The following FOXJ3 variants were observed in gnomAD, a reference collection of about 807,000 sequenced individuals.
FOXJ3 encodes forkhead box J3, also known as forkhead box protein J3.
In FOXJ3, 22 loss-of-function variants were observed where a neutral mutation model predicts 76.1. The observed-to-expected ratio is 0.29, with a 90% confidence interval of 0.21 to 0.41. The LOEUF (loss-of-function observed/expected upper bound fraction) is 0.41. Among genes scored for constraint, FOXJ3 ranks in the 10% least tolerant of loss-of-function variants. The probability of loss-of-function intolerance (pLI) is 1.00; values close to 1 mark genes in which losing one functional copy is unlikely to be tolerated. For missense variants in FOXJ3, 613 were observed against 762.1 expected (o/e 0.80, Z 2.30); for synonymous variants, 269 against 261.2 (o/e 1.03, Z -0.29).
At chr1:42,335,335 A>G (rs961789968), upstream of FOXJ3, 3 of 152,194 alleles carry the variant, frequency 2.0e-5, no homozygotes, top group South Asian at 6.2e-4. Context: ...CTGCGCGGTC[A>G]CGGTCGCTTC....
At chr1:42,217,413 C>T (rs577607799) in intron 5 of FOXJ3, among the ~76,000 whole-genome samples, 1 of 152,132 alleles carries the variant, frequency 6.6e-6, no homozygotes, top group African/African-American at 2.4e-5. Context: ...CCTGTAGTCC[C>T]AGCTACTCGG....
intron 4 of FOXJ3, among the ~76,000 whole-genome samples, chr1:42,238,975 T>C (rs753882452): frequency 6.6e-6 from 1 of 152,018 alleles, no homozygotes; most frequent in Non-Finnish European, 1.5e-5. Flanking sequence ...CTTATTTCTC[T>C]TGGTAATGTT....
intron 4 of FOXJ3, among the ~76,000 whole-genome samples, chr1:42,238,232 A>G (rs1375009765): frequency 1.3e-5 from 2 of 151,976 alleles, no homozygotes; most frequent in Non-Finnish European, 2.9e-5. Flanking sequence ...ATGGGATTTC[A>G]CCACATTGGC....
intron 4 of FOXJ3, among the ~76,000 whole-genome samples, chr1:42,257,437 T>G (rs115798440): frequency 0.024 from 3,673 of 152,148 alleles, 64 homozygotes; most frequent in Non-Finnish European, 0.038. Context: ...CAGAAATGGC[T>G]GTGCACAGCG....
intron 1 of FOXJ3, among the ~76,000 whole-genome samples, chr1:42,333,478 T>C (rs909529733): frequency 6.6e-6 from 1 of 152,098 alleles, no homozygotes; most frequent in Non-Finnish European, 1.5e-5. Context: ...ACCAAGAAGA[T>C]TCACCTCAAT....
At chr1:42,207,113 T>A (rs562817548) in intron 5 of FOXJ3, among the ~76,000 whole-genome samples, 7 of 152,216 alleles carry the variant, frequency 4.6e-5, no homozygotes, top group Admixed American at 3.3e-4. Flanking sequence ...AGGTGTTGAG[T>A]CATCATGCCC....
chr1:42,265,764 T>G (rs1052923557), intron 3 of FOXJ3, among the ~76,000 whole-genome samples: 1 of 152,128 alleles, frequency 6.6e-6, no homozygotes, highest in Admixed American at 6.5e-5. Flanking sequence ...TAGAACCCTA[T>G]TAGGTTCTCA....
intron 4 of FOXJ3, among the ~76,000 whole-genome samples, chr1:42,264,019 G>C (rs910060790): frequency 7.4e-6 from 1 of 135,370 alleles, no homozygotes; most frequent in African/African-American, 2.8e-5. Context: ...CCCAGCCATT[G>C]AGAGTCCAAT....
At chr1:42,275,289 A>T (rs1652176069) in intron 3 of FOXJ3, among the ~76,000 whole-genome samples, 1 of 152,200 alleles carries the variant, frequency 6.6e-6, no homozygotes. Context: ...ACTAAAGAGT[A>T]ACTACCATCT....
At chr1:42,212,439 GTAGAAAGTTTTAACAACAGAC>G (rs1284636004) in intron 5 of FOXJ3, among the ~76,000 whole-genome samples, 1 of 152,042 alleles carries the variant, frequency 6.6e-6, no homozygotes, top group Admixed American at 6.6e-5. Flanking sequence ...ACAAAATGTG[GTAGAAAGTTTTAACAACAGAC>G]TAGACCAGGT....
At chr1:42,299,397 A>T (rs1653990515) in intron 2 of FOXJ3, among the ~76,000 whole-genome samples, 1 of 151,090 alleles carries the variant, frequency 6.6e-6, no homozygotes. Flanking sequence ...ATTGGTTTGA[A>T]GTTTATCTGA....
At position 42,311,650 on chromosome 1, in the gene FOXJ3, A is replaced by AAAGTAGTAGTAGTAGTAGTAGTAGT. The variant is rs1553169326; in HGVS notation, c.-17-541_-17-540insACTACTACTACTACTACTACTACTT. 6.0e-5 allele frequency among the ~76,000 whole-genome samples: 9 copies of AAAGTAGTAGTAGTAGTAGTAGTAGT among 149,508 alleles called. No individual in the cohort carries two copies. In the East Asian group the frequency reaches 1.2e-3, roughly 20 times the overall value. On this transcript the variant is annotated intron_variant, in intron 1 of 12. Coordinates refer to ENST00000361346, the MANE Select transcript of FOXJ3 (RefSeq NM_014947.5). ...AAACAGTTCCATTGCTTTAAAAAAAAAGTAGTAGTAGTAGTAGTAGTAGTA... is the reference window on the plus strand; with the variant it reads ...AAACAGTTCCATTGCTTTAAAAAAAAAAGTAGTAGTAGTAGTAGTAGTAGTAGTAGTAGTAGTAGTAGTAGTAGTA...
At chr1:42,319,018 C>T (rs112250079) in intron 1 of FOXJ3, among the ~76,000 whole-genome samples, 3,032 of 152,180 alleles carry the variant, frequency 0.02, 92 homozygotes, top group African/African-American at 0.069. Context: ...ATGGCTTGAG[C>T]CCAGGAATTC....
At chr1:42,234,279 T>A (rs928645360) in intron 4 of FOXJ3, among the ~76,000 whole-genome samples, 4 of 152,198 alleles carry the variant, frequency 2.6e-5, no homozygotes, top group African/African-American at 9.7e-5. Flanking sequence ...TCTGCATTGG[T>A]TATTCTAGTT....
intron 5 of FOXJ3, among the ~76,000 whole-genome samples, chr1:42,207,947 G>GAA (rs778546447): frequency 6.6e-6 from 1 of 152,200 alleles, no homozygotes; most frequent in East Asian, 1.9e-4. Context: ...GATTACTTTA[G>GAA]AAAGGTACAA....
rs973096220 is a variant in FOXJ3 at position 42,335,215 on chromosome 1, G to A, written c.-174C>T. ...GGCAGCAAGAGCAGCCAACATCCGGGGCCGCGCACCCGGAACTACTTCCCG... is the reference window on the plus strand; with the variant it reads ...GGCAGCAAGAGCAGCCAACATCCGGAGCCGCGCACCCGGAACTACTTCCCG... On this transcript the variant is annotated 5_prime_UTR_variant, in exon 1 of 13. Transcript: ENST00000361346. 2.6e-5 allele frequency: 4 copies of A among 152,250 alleles called. No homozygotes were observed. The highest frequency in any genetic ancestry group is 4.4e-5 in the Non-Finnish European group (3 of 68,044). 9.4% of individuals were successfully genotyped at this position (152,250 alleles called of 1,614,324 possible).
At chr1:42,217,527 C>CAA (rs992742134) in intron 5 of FOXJ3, among the ~76,000 whole-genome samples, 2 of 138,284 alleles carry the variant, frequency 1.4e-5, no homozygotes, top group African/African-American at 2.7e-5. Flanking sequence ...GACTCCGCCT[C>CAA]AAAAAAAAAA....
intron 1 of FOXJ3, among the ~76,000 whole-genome samples, chr1:42,318,966 C>A (rs552177194): frequency 4.5e-4 from 69 of 152,288 alleles, no homozygotes; most frequent in African/African-American, 1.6e-3. Flanking sequence ...TGCAGTAGCT[C>A]ACACCTGTAA....
intron 1 of FOXJ3, among the ~76,000 whole-genome samples, chr1:42,324,034 CACACTATATAT>C (rs1193864282): frequency 5.5e-5 from 4 of 72,856 alleles, no homozygotes; most frequent in African/African-American, 2.1e-4. Flanking sequence ...TATATATATA[CACACTATATAT>C]AGTATATACA....
Sources: allele counts gnomAD v4.1 joint callset (sites outside exome capture counted in the v4.1 genomes callset), GRCh38; gene constraint gnomAD v4.1.1; transcripts MANE v1.5; gene names NCBI Gene and HGNC (gene_info 2026-07-23, HGNC 2026-07-21).